The following BBS9 variants were observed in gnomAD, a reference collection of about 807,000 sequenced individuals.
BBS9 encodes protein PTHB1.
A neutral mutation model predicts 117.7 loss-of-function variants in BBS9; 89 were observed. The ratio of observed to expected loss-of-function variants is 0.76; its 90% CI spans 0.64 to 0.90. The LOEUF is 0.90. Ranked by LOEUF, BBS9 falls within the 40% of genes least tolerant of loss-of-function variation. BBS9 has a pLI of 0.00. For synonymous variants in BBS9, 379 were observed against 370.9 expected, an observed-to-expected ratio of 1.02 and a Z score of -0.25; for missense variants, 982 against 1,042.2, an observed-to-expected ratio of 0.94 and a Z score of 0.80.
At chr7:33,319,729 G>A (rs112861259) in intron 9 of BBS9, among the ~76,000 whole-genome samples, 3 of 152,114 alleles carry the variant, frequency 2.0e-5, no homozygotes, top group African/African-American at 4.8e-5. Flanking sequence ...AAACTAAAGA[G>A]CTTCTGCACC....
At chr7:33,590,459 G>GTTTTTGTTT (rs1554551690) in intron 21 of BBS9, among the ~76,000 whole-genome samples, 1 of 101,510 alleles carries the variant, frequency 9.9e-6, no homozygotes, top group African/African-American at 4.0e-5. Flanking sequence ...TTGTTTTTTT[G>GTTTTTGTTT]TTTTTTTTTT....
chr7:33,417,996 G>T (rs1472598363), intron 19 of BBS9, among the ~76,000 whole-genome samples: 1 of 152,142 alleles, frequency 6.6e-6, no homozygotes, highest in Admixed American at 6.6e-5. Context: ...GGTTCTTTGA[G>T]GACAGGGACC....
chr7:33,519,409 T>G (rs981701527), intron 20 of BBS9, among the ~76,000 whole-genome samples: 2 of 152,192 alleles, frequency 1.3e-5, no homozygotes, highest in Admixed American at 1.3e-4. Context: ...GCAATGAGTG[T>G]TTGTACTTCA....
At chr7:33,633,392 T>C (rs1865986425) in intron 21 of BBS9, among the ~76,000 whole-genome samples, 1 of 152,094 alleles carries the variant, frequency 6.6e-6, no homozygotes, top group African/African-American at 2.4e-5. Context: ...GGGCTACATA[T>C]TGGAACTATT....
chr7:33,571,146 G>C (rs932958556), intron 21 of BBS9, among the ~76,000 whole-genome samples: 3 of 152,074 alleles, frequency 2.0e-5, no homozygotes, highest in African/African-American at 7.2e-5. Context: ...GTACTATTTT[G>C]TTTTCAATCT....
At chr7:33,194,889 G>GCATTTCTC (rs1478723262) in intron 5 of BBS9, among the ~76,000 whole-genome samples, 2 of 152,112 alleles carry the variant, frequency 1.3e-5, no homozygotes, top group East Asian at 3.8e-4. Flanking sequence ...TCTTCTATAT[G>GCATTTCTC]TTGTGGTATT....
chr7:33,524,840 T>G (rs1240039073), intron 20 of BBS9, among the ~76,000 whole-genome samples: 5 of 152,204 alleles, frequency 3.3e-5, no homozygotes, highest in Non-Finnish European at 5.9e-5. Flanking sequence ...ATTGTGATGT[T>G]AGGGTGTCAA....
intron 9 of BBS9, among the ~76,000 whole-genome samples, chr7:33,318,118 G>A (rs12155389): frequency 0.12 from 18,728 of 152,026 alleles, 1,415 homozygotes; most frequent in African/African-American, 0.21. Context: ...GATAACAAAA[G>A]CAAAACCCCC....
chr7:33,563,919 C>T (rs1055036334), intron 21 of BBS9, among the ~76,000 whole-genome samples: 3 of 152,184 alleles, frequency 2.0e-5, no homozygotes, highest in Non-Finnish European at 4.4e-5. Flanking sequence ...AAGCAGCTAA[C>T]TTAAGACTGC....
At chr7:33,168,437 C>T (rs906203920) in intron 4 of BBS9, among the ~76,000 whole-genome samples, 1 of 152,122 alleles carries the variant, frequency 6.6e-6, no homozygotes, top group African/African-American at 2.4e-5. Context: ...TTTCCTCCTC[C>T]TTTTTTTCCT....
intron 19 of BBS9, among the ~76,000 whole-genome samples, chr7:33,424,404 A>G (rs1833332141): frequency 6.6e-6 from 1 of 152,186 alleles, no homozygotes; most frequent in Non-Finnish European, 1.5e-5. Context: ...AACATTAAAA[A>G]ATACAGATTC....
chr7:33,605,363 A>G lies in BBS9; in HGVS notation c.*137A>G, dbSNP rs942042663. 22 of 919,756 alleles carry G rather than the reference A, an allele frequency of 2.4e-5. No homozygotes were observed. Among genetic ancestry groups the G allele is most frequent in the Non-Finnish European group, 4.0e-5 (22 of 556,156 alleles). 57.0% of individuals were successfully genotyped at this position (919,756 alleles called of 1,614,324 possible). On this transcript the variant is annotated 3_prime_UTR_variant, in exon 23 of 23. Transcript: ENST00000242067. ...CCTTCCTGGAGATGACATGCATAGA[A>G]AGAGGGGTTGGGACTTTTTACTTCA...
intron 19 of BBS9, among the ~76,000 whole-genome samples, chr7:33,433,982 A>T (rs1205357161): frequency 6.6e-6 from 1 of 152,098 alleles, no homozygotes; most frequent in East Asian, 1.9e-4. Context: ...TTAGCATTAT[A>T]TGATGCATAT....
intron 9 of BBS9, among the ~76,000 whole-genome samples, chr7:33,309,472 A>C (rs962415812): frequency 1.3e-5 from 2 of 152,242 alleles, no homozygotes; most frequent in East Asian, 1.9e-4. Context: ...CTCAAGAAGC[A>C]AGTACATAAA....
intron 7 of BBS9, among the ~76,000 whole-genome samples, chr7:33,265,863 A>G (rs1287747391): frequency 1.3e-5 from 2 of 151,880 alleles, no homozygotes; most frequent in Non-Finnish European, 2.9e-5. Flanking sequence ...AAGTTGTTAT[A>G]AGATAAATTA....
At chr7:33,553,591 T>C (rs1401604851) in intron 21 of BBS9, among the ~76,000 whole-genome samples, 1 of 152,194 alleles carries the variant, frequency 6.6e-6, no homozygotes, top group Non-Finnish European at 1.5e-5. Flanking sequence ...GTACCAATTG[T>C]ACTGTGGCCT....
chr7:33,580,230 C>A (rs1312513646), intron 21 of BBS9, among the ~76,000 whole-genome samples: 1 of 151,752 alleles, frequency 6.6e-6, no homozygotes, highest in African/African-American at 2.4e-5. Flanking sequence ...GCACGGTACC[C>A]TCTTCACTAG....
chr7:33,481,609 G>A (rs1417562849), intron 19 of BBS9, among the ~76,000 whole-genome samples: 1 of 152,168 alleles, frequency 6.6e-6, no homozygotes, highest in East Asian at 1.9e-4. Flanking sequence ...ATATGTGTAG[G>A]TAGTTTTAGA....
intron 9 of BBS9, among the ~76,000 whole-genome samples, chr7:33,279,485 G>A (rs1801413248): frequency 6.6e-6 from 1 of 152,190 alleles, no homozygotes; most frequent in Admixed American, 6.5e-5. Context: ...TTCCTTGGCT[G>A]AATGTGTTGA....
Sources: gnomAD v4.1 joint callset for allele counts (sites outside exome capture counted in the v4.1 genomes callset) on GRCh38, gnomAD v4.1.1 for gene constraint, MANE v1.5 for transcripts, NCBI Gene and HGNC (gene_info 2026-07-23, HGNC 2026-07-21) for gene names.